Variants in WWTR1 observed in about 807,000 individuals in gnomAD.
WWTR1 encodes WW domain-containing transcription regulator protein 1.
In WWTR1, 13 loss-of-function variants were observed where a neutral mutation model predicts 40.1. The observed-to-expected ratio is 0.32, with a 90% CI of 0.21 to 0.52. The LOEUF (loss-of-function observed/expected upper bound fraction) is 0.52. Among genes scored for constraint, WWTR1 ranks in the 20% least tolerant of loss-of-function variants. The pLI, the probability that WWTR1 is intolerant of heterozygous loss-of-function variation, is 0.97. For missense variants in WWTR1, 436 were observed against 523.1 expected, an observed-to-expected ratio of 0.83 and a Z score of 1.63; for synonymous variants, 230 against 210.1, an observed-to-expected ratio of 1.09 and a Z score of -0.82.
intron 2 of WWTR1, among the ~76,000 whole-genome samples, chr3:149,611,797 T>A (rs1026672643): frequency 2.6e-5 from 4 of 152,194 alleles, no homozygotes; most frequent in Admixed American, 6.5e-5. Context: ...GAAATGTCAT[T>A]CCCCTTTTCT....
chr3:149,558,263 T>C (rs1576558456), intron 3 of WWTR1, among the ~76,000 whole-genome samples: 1 of 152,016 alleles, frequency 6.6e-6, no homozygotes, highest in South Asian at 2.1e-4. Context: ...CTAATAAACA[T>C]AGCCTACCTT....
chr3:149,650,798 C>T (rs1466179133), intron 2 of WWTR1, among the ~76,000 whole-genome samples: 1 of 152,174 alleles, frequency 6.6e-6, no homozygotes, highest in Non-Finnish European at 1.5e-5. Context: ...GTGAGCATTC[C>T]TATTTAGGTT....
At chr3:149,654,970 C>CA (rs1576625487) in intron 2 of WWTR1, among the ~76,000 whole-genome samples, 1 of 149,224 alleles carries the variant, frequency 6.7e-6, no homozygotes, top group East Asian at 2.0e-4. Flanking sequence ...AAAAAAAATA[C>CA]AAAAAAGTAG....
chr3:149,710,127 G>A (rs924200078), intron 5 of WWTR1, among the ~76,000 whole-genome samples: 6 of 152,058 alleles, frequency 3.9e-5, no homozygotes, highest in African/African-American at 1.4e-4. Flanking sequence ...AACTGTACTG[G>A]ACCTCTCAGT....
intron 4 of WWTR1, among the ~76,000 whole-genome samples, chr3:149,535,138 G>A (rs1462614357): frequency 1.3e-5 from 2 of 151,950 alleles, no homozygotes; most frequent in Non-Finnish European, 2.9e-5. Context: ...TTCAGAGGCT[G>A]CTCTGCTTGA....
At chr3:149,548,960 C>G (rs913545985) in intron 3 of WWTR1, among the ~76,000 whole-genome samples, 1 of 152,130 alleles carries the variant, frequency 6.6e-6, no homozygotes, top group Non-Finnish European at 1.5e-5. Context: ...TCGGTTCCAA[C>G]AATAATAGGG....
intron 2 of WWTR1, among the ~76,000 whole-genome samples, chr3:149,594,458 T>G (rs1419563611): frequency 6.6e-6 from 1 of 152,222 alleles, no homozygotes; most frequent in Non-Finnish European, 1.5e-5. Context: ...TAAGAAATTA[T>G]TGCTTCTATC....
At chr3:149,715,046 C>A (rs1004230398) in intron 5 of WWTR1, among the ~76,000 whole-genome samples, 8 of 152,204 alleles carry the variant, frequency 5.3e-5, no homozygotes, top group African/African-American at 1.7e-4. Context: ...AAGCTGCCCA[C>A]TGCAGGTCTC....
intron 3 of WWTR1, among the ~76,000 whole-genome samples, chr3:149,555,733 T>C (rs552243672): frequency 6.6e-6 from 1 of 152,316 alleles, no homozygotes; most frequent in South Asian, 2.1e-4. Flanking sequence ...TTTCCAATGA[T>C]CTACGGTTCA....
In WWTR1 at chr3:149,572,927, G is replaced by A. The variant is rs914741890; in HGVS notation, c.505C>T (p.His169Tyr). ...MNQPLNHMNL[H>Y]PAVSSTPVPQ... The stretch of plus-strand genomic sequence containing the variant: ...ACTGGTGTGGAACTGACGGCAGGGT[G>A]GAGGTTCATATGATTCAGAGGCTGA... The change falls in exon 3 of 7, where the codon CAC becomes TAC. Residue 169 changes from histidine to tyrosine, a missense_variant. His to Tyr is a moderately conservative substitution (Grantham distance 83, BLOSUM62 2). Transcript: ENST00000360632. The A allele has an allele frequency of 1.2e-6, 2 of 1,613,790 alleles. No homozygotes were observed. The highest frequency in any genetic ancestry group is 2.2e-5 in the East Asian group (1 of 44,884).
chr3:149,720,291 A>T (rs1715724479), intron 4 of WWTR1, among the ~76,000 whole-genome samples: 1 of 152,202 alleles, frequency 6.6e-6, no homozygotes, highest in Non-Finnish European at 1.5e-5. Flanking sequence ...GAGCTAAATT[A>T]TGCGTATGGT....
chr3:149,580,377 TC>T lies in WWTR1; in HGVS notation c.432-7378del, dbSNP rs1738085090. ...CCAGATGCACACTTTCTCCAGGTAG[TC>T]CCTCTGCTGTCACCTAAAACCACAA... On this transcript the variant is annotated intron_variant, in intron 2 of 6. Coordinates refer to ENST00000360632, the MANE Select transcript of WWTR1 (RefSeq NM_015472.6). 2.6e-5 allele frequency among the ~76,000 whole-genome samples: 4 copies of T among 152,234 alleles called. No homozygotes were observed. The South Asian group carries it at 8.3e-4, about 32-fold the overall frequency.
intron 2 of WWTR1, among the ~76,000 whole-genome samples, chr3:149,573,995 T>TAAAC (rs963427719): frequency 6.6e-6 from 1 of 152,140 alleles, no homozygotes; most frequent in Non-Finnish European, 1.5e-5. Context: ...CTTTGTTTTA[T>TAAAC]AAACAGTATC....
At chr3:149,564,781 G>A (rs1045069850) in intron 3 of WWTR1, among the ~76,000 whole-genome samples, 4 of 152,270 alleles carry the variant, frequency 2.6e-5, no homozygotes, top group African/African-American at 9.6e-5. Flanking sequence ...CAAAAAAATA[G>A]AAGTATAATT....
chr3:149,582,776 T>G (rs1032590833), intron 2 of WWTR1, among the ~76,000 whole-genome samples: 1 of 152,094 alleles, frequency 6.6e-6, no homozygotes, highest in African/African-American at 2.4e-5. Context: ...TAAATCACCT[T>G]AAGTTTATTG....
intron 2 of WWTR1, among the ~76,000 whole-genome samples, chr3:149,636,406 A>G (rs1288774020): frequency 6.6e-6 from 1 of 152,224 alleles, no homozygotes; most frequent in East Asian, 1.9e-4. Flanking sequence ...GGGGTAGTAA[A>G]TTTCCACCAT....
At chr3:149,584,342 G>A (rs1738306038) in intron 2 of WWTR1, among the ~76,000 whole-genome samples, 1 of 152,116 alleles carries the variant, frequency 6.6e-6, no homozygotes, top group African/African-American at 2.4e-5. Context: ...ATTCCTTTTT[G>A]TTGGTTTTGT....
chr3:149,572,809 C>G, intron 3 of WWTR1, 55 bp downstream of exon 3: 1 of 1,585,314 alleles, frequency 6.3e-7, no homozygotes, highest in Admixed American at 1.7e-5. Flanking sequence ...AAGGGAGACC[C>G]CAACTCTACA....
chr3:149,571,198 A>C (rs1323831204), intron 3 of WWTR1, among the ~76,000 whole-genome samples: 1 of 145,718 alleles, frequency 6.9e-6, no homozygotes, highest in Non-Finnish European at 1.5e-5. Flanking sequence ...GAAGTGTTTG[A>C]ATTTTTTTTT....
Sources: allele counts gnomAD v4.1 joint callset (sites outside exome capture counted in the v4.1 genomes callset), GRCh38; gene constraint gnomAD v4.1.1; transcripts MANE v1.5; gene names NCBI Gene and HGNC (gene_info 2026-07-23, HGNC 2026-07-21).